The following TBC1D22B variants were observed in gnomAD, a reference collection of about 807,000 sequenced individuals.
The protein encoded by TBC1D22B is chromosome 6 open reading frame 197.
A neutral mutation model predicts 69.1 loss-of-function variants in TBC1D22B; 32 were observed. The ratio of observed to expected loss-of-function variants is 0.46; its 90% confidence interval spans 0.35 to 0.62. TBC1D22B has a LOEUF of 0.62. TBC1D22B is among the 20% of genes least tolerant of loss of function. The pLI, the probability that TBC1D22B is intolerant of heterozygous loss-of-function variation, is 0.00. For missense variants in TBC1D22B, 462 were observed against 630.9 expected, an observed-to-expected ratio of 0.73 and a Z score of 2.87; for synonymous variants, 206 against 229.8, an observed-to-expected ratio of 0.90 and a Z score of 0.94.
chr6:37,323,914 C>G (rs195424), intron 12 of TBC1D22B, among the ~76,000 whole-genome samples: 128,584 of 152,200 alleles, frequency 0.84, 54,516 homozygotes, highest in South Asian at 0.91. Flanking sequence ...GGGAACTCTG[C>G]ACAGCTTTCT....
intron 8 of TBC1D22B, 88 bp from the exon 9 acceptor site, chr6:37,312,830 A>T: frequency 9.0e-7 from 1 of 1,106,332 alleles, no homozygotes. Context: ...ACTTGGCCTT[A>T]AAGACCCCAT....
chr6:37,295,743 C>T (rs6911541), intron 8 of TBC1D22B: 5,370 of 308,416 alleles, frequency 0.017, 268 homozygotes, highest in African/African-American at 0.11. Flanking sequence ...AGCCAAAGTT[C>T]CACATGGCTG....
intron 12 of TBC1D22B, among the ~76,000 whole-genome samples, chr6:37,323,517 A>AGT (rs1271285809): frequency 6.6e-6 from 1 of 152,312 alleles, no homozygotes; most frequent in East Asian, 1.9e-4. Context: ...TGAGTGAGTG[A>AGT]GTGAGTGAAA....
chr6:37,320,831 C>G (rs893490416), intron 12 of TBC1D22B, among the ~76,000 whole-genome samples: 6 of 152,226 alleles, frequency 3.9e-5, no homozygotes, highest in African/African-American at 1.4e-4. Flanking sequence ...ACATAGTACT[C>G]TGGGAGCAGA....
At chr6:37,303,862 A>G (rs1322035381) in intron 8 of TBC1D22B, among the ~76,000 whole-genome samples, 3 of 152,112 alleles carry the variant, frequency 2.0e-5, no homozygotes, top group African/African-American at 7.2e-5. Flanking sequence ...GTCACTCTGT[A>G]GATTTCTCCT....
At chr6:37,258,229 G>A (rs1008584203) in intron 1 of TBC1D22B, 9 of 520,098 alleles carry the variant, frequency 1.7e-5, no homozygotes, top group Non-Finnish European at 3.1e-5. Context: ...GGTGGCCGAA[G>A]ATTGGGCGTA....
chr6:37,310,084 T>C (rs1393165646), intron 8 of TBC1D22B, among the ~76,000 whole-genome samples: 1 of 146,732 alleles, frequency 6.8e-6, no homozygotes, highest in Non-Finnish European at 1.5e-5. Flanking sequence ...TATTTAAATA[T>C]ATGTGAAATA....
At chr6:37,275,356 G>A (rs1314283908) in intron 2 of TBC1D22B, among the ~76,000 whole-genome samples, 1 of 152,036 alleles carries the variant, frequency 6.6e-6, no homozygotes, top group Admixed American at 6.5e-5. Context: ...TTTCCTACAG[G>A]GTGTGAGAGT....
At chr6:37,287,972 G>C (rs982623762) in intron 7 of TBC1D22B, among the ~76,000 whole-genome samples, 3 of 152,170 alleles carry the variant, frequency 2.0e-5, no homozygotes, top group African/African-American at 4.8e-5. Context: ...ATTATGTTTT[G>C]ACTCAAGCAG....
At chr6:37,302,849 C>CT (rs1249212324) in intron 8 of TBC1D22B, among the ~76,000 whole-genome samples, 1 of 152,160 alleles carries the variant, frequency 6.6e-6, no homozygotes, top group Non-Finnish European at 1.5e-5. Flanking sequence ...GATAGAAAAG[C>CT]TTATTTCTCT....
chr6:37,268,563 A>C (rs1327539289), intron 1 of TBC1D22B, among the ~76,000 whole-genome samples: 3 of 152,220 alleles, frequency 2.0e-5, no homozygotes, highest in African/African-American at 7.2e-5. Flanking sequence ...ACCGAAAAGC[A>C]CATGAAGCAC....
chr6:37,317,417 G>A (rs114699000), intron 12 of TBC1D22B, among the ~76,000 whole-genome samples: 1 of 152,320 alleles, frequency 6.6e-6, no homozygotes, highest in African/African-American at 2.4e-5. Context: ...GTTTGTGCCA[G>A]AATGGCTGCA....
At chr6:37,282,798 A>G in intron 4 of TBC1D22B, 84 bp from the exon 5 acceptor site, 1 of 1,313,492 alleles carries the variant, frequency 7.6e-7, no homozygotes, top group Non-Finnish European at 1.1e-6. Context: ...CATGGATGGA[A>G]GGAGACATCA....
At chr6:37,327,807 G>C (rs948837762) in intron 12 of TBC1D22B, among the ~76,000 whole-genome samples, 1 of 152,132 alleles carries the variant, frequency 6.6e-6, no homozygotes, top group African/African-American at 2.4e-5. Flanking sequence ...ATGGAGGGGA[G>C]AGTGGGGACC....
At chr6:37,285,939 A>G (rs1216209757) in intron 6 of TBC1D22B, among the ~76,000 whole-genome samples, 2 of 152,346 alleles carry the variant, frequency 1.3e-5, no homozygotes, top group Middle Eastern at 3.4e-3. Context: ...CTTCTTACAC[A>G]TCATGACTTC....
chr6:37,286,185 C>T (rs1304009361), intron 6 of TBC1D22B, among the ~76,000 whole-genome samples: 1 of 152,214 alleles, frequency 6.6e-6, no homozygotes, highest in Non-Finnish European at 1.5e-5. Flanking sequence ...GGGAGGTTTC[C>T]TCACTGTTTA....
intron 5 of TBC1D22B, 129 bp from the exon 6 acceptor site, chr6:37,284,207 C>A (rs1440604543): frequency 1.4e-6 from 2 of 1,457,124 alleles, no homozygotes; most frequent in Admixed American, 3.6e-5. Context: ...GTGGCCAGAA[C>A]CAAAAAGGGA....
rs757839850 is a variant in TBC1D22B at position 37,282,342 on chromosome 6, C to G, written c.579C>G (p.Leu193=). The G allele has an allele frequency of 1.1e-5, 18 of 1,609,652 alleles. No individual in the cohort carries two copies. In the South Asian group the frequency reaches 1.9e-4, roughly 17 times the overall value. Residue 193 remains leucine, a synonymous_variant, in exon 4 of 13, where the codon CTC becomes CTG. Transcript: ENST00000373491. ...GCCTAGAAAAATTCCGTCAACTTCT[C>G]TCCAGCCAGAACACTGACTTAGGTG... ...KTRLEKFRQL[L]SSQNTDLDEL...
chr6:37,280,963 G>T (rs1345735038), intron 3 of TBC1D22B, among the ~76,000 whole-genome samples: 1 of 152,082 alleles, frequency 6.6e-6, no homozygotes, highest in Admixed American at 6.6e-5. Context: ...TAGTCCCCTC[G>T]TTACACTAGG....
Sources: gnomAD v4.1 joint callset for allele counts (sites outside exome capture counted in the v4.1 genomes callset) on GRCh38, gnomAD v4.1.1 for gene constraint, MANE v1.5 for transcripts, NCBI Gene and HGNC (gene_info 2026-07-23, HGNC 2026-07-21) for gene names.